Variants in NIPAL3 observed in about 807,000 individuals in gnomAD.
NIPAL3 encodes the protein NIPA like domain containing 3.
A neutral mutation model predicts 47.2 loss-of-function variants in NIPAL3; 41 were observed. That is an observed-to-expected ratio of 0.87 (90% CI 0.68 to 1.13). The LOEUF (loss-of-function observed/expected upper bound fraction) is 1.13, where lower values mean the gene tolerates loss of function less well. Ranked by LOEUF, NIPAL3 falls within the 50% of genes most tolerant of loss-of-function variation. The probability of loss-of-function intolerance (pLI) is 0.00; values close to 1 mark genes in which losing one functional copy is unlikely to be tolerated. For missense variants in NIPAL3, 449 were observed against 530.1 expected (o/e 0.85, Z 1.50); for synonymous variants, 194 against 209.6 (o/e 0.93, Z 0.64).
In NIPAL3 at chr1:24,440,253, TA is replaced by T; in HGVS notation, c.162+14del. 1 of 1,573,684 alleles carries T rather than the reference TA, an allele frequency of 6.4e-7. No homozygotes were observed. The highest frequency in any genetic ancestry group is 8.6e-7 in the Non-Finnish European group (1 of 1,160,774). Reference sequence around the variant, plus strand: ...ACTTAACCTCCAGGTAAGTTTCAGTTACCAGCACTGTCTGGGGACAGAGACA... The same window carrying T: ...ACTTAACCTCCAGGTAAGTTTCAGTTCCAGCACTGTCTGGGGACAGAGACA... On this transcript the variant is annotated intron_variant, in intron 3 of 11. Transcript: ENST00000374399.
At chr1:24,466,317 TAAATA>T (rs1646697851) in intron 11 of NIPAL3, 1 of 371,412 alleles carries the variant, frequency 2.7e-6, no homozygotes, top group Non-Finnish European at 4.9e-6. Flanking sequence ...TAAAAATAAA[TAAATA>T]AATAAAAGAA....
intron 8 of NIPAL3, among the ~76,000 whole-genome samples, chr1:24,456,523 G>A (rs1176619757): frequency 6.6e-6 from 1 of 152,116 alleles, no homozygotes; most frequent in Non-Finnish European, 1.5e-5. Flanking sequence ...GGCTGAGGTG[G>A]GTGGGTCACT....
chr1:24,454,674 T>C lies in NIPAL3; in HGVS notation c.637+1170T>C, dbSNP rs2281187. 0.24 allele frequency: 140,633 copies of C among 586,722 alleles called. 16,979 individuals are homozygous for C. The highest frequency in any genetic ancestry group is 0.33 in the African/African-American group (16,213 of 49,390). The allele number at this position is 586,722 out of a possible 1,614,324, so 36.3% of individuals were successfully genotyped here. ...CATCCTAATCTAATTTTAGAACATTTTGTCACCCCCAAAAGAAACCCTGTG... is the reference window on the plus strand; with the variant it reads ...CATCCTAATCTAATTTTAGAACATTCTGTCACCCCCAAAAGAAACCCTGTG... On this transcript the variant is annotated intron_variant, in intron 7 of 11. Coordinates refer to ENST00000374399, the MANE Select transcript of NIPAL3 (RefSeq NM_020448.5). This position sits in a 1 kb window ranked among gnomAD's most constrained non-coding sequence, Gnocchi z 4.1.
At chr1:24,428,869 C>T (rs1644752491) in intron 2 of NIPAL3, among the ~76,000 whole-genome samples, 1 of 152,144 alleles carries the variant, frequency 6.6e-6, no homozygotes, top group Non-Finnish European at 1.5e-5. Flanking sequence ...CCACCCTTCC[C>T]TGCCACACTC....
chr1:24,415,116 T>C (rs1300925084), upstream of NIPAL3: 3 of 152,252 alleles, frequency 2.0e-5, no homozygotes, highest in Non-Finnish European at 4.4e-5. Flanking sequence ...CAAATGCGTG[T>C]ATATGACAAC....
At chr1:24,460,776 A>C (rs1435344859) in intron 10 of NIPAL3, among the ~76,000 whole-genome samples, 1 of 152,208 alleles carries the variant, frequency 6.6e-6, no homozygotes, top group African/African-American at 2.4e-5. Flanking sequence ...ACATTTTGAC[A>C]CATGAAAAGT....
intron 10 of NIPAL3, among the ~76,000 whole-genome samples, chr1:24,462,059 C>G (rs1232745796): frequency 2.0e-5 from 3 of 152,134 alleles, no homozygotes; most frequent in Admixed American, 6.6e-5. Flanking sequence ...CCTCAGGAAA[C>G]TTACAGTCAT....
intron 11 of NIPAL3, among the ~76,000 whole-genome samples, chr1:24,468,242 G>A (rs373705029): frequency 1.3e-5 from 2 of 152,150 alleles, no homozygotes; most frequent in African/African-American, 4.8e-5. Context: ...TGGAGCCCCA[G>A]AGGTTGAGGC....
Position 24,416,110 on chromosome 1 carries a change from A to T in NIPAL3, c.-258+206A>T, listed in dbSNP as rs546532088. The T allele has an allele frequency of 1.0e-6, 1 of 985,306 alleles. No individual in the cohort carries two copies. Among genetic ancestry groups the T allele is most frequent in the Admixed American group, 6.2e-5 (1 of 16,254 alleles). The allele number at this position is 985,306 out of a possible 1,614,324, so 61.0% of individuals were successfully genotyped here. A position where few individuals can be genotyped will look rare whatever the true frequency, so the allele number is the denominator to read the frequency against. ...GAGGAGCGGGGGCATGGGCTACCTT[A>T]CTAAAGGTGATGCCAGGCTCTACCA... is the stretch of plus-strand genomic sequence containing the variant. On this transcript the variant is annotated intron_variant, in intron 1 of 11. Coordinates refer to ENST00000374399, the MANE Select transcript of NIPAL3 (RefSeq NM_020448.5). This position sits in a 1 kb window ranked among gnomAD's most constrained non-coding sequence, Gnocchi z 4.8.
In NIPAL3 at chr1:24,422,520, C is replaced by T. The variant is rs75016344; in HGVS notation, c.93+2880C>T. On this transcript the variant is annotated intron_variant, in intron 2 of 11. Coordinates refer to ENST00000374399, the MANE Select transcript of NIPAL3 (RefSeq NM_020448.5). Reference sequence around the variant, plus strand: ...TCAGACTCATCTCTCCCTGCCTTCACCCTTTTACCCCCTCGTCTCTACTCC... The same window carrying T: ...TCAGACTCATCTCTCCCTGCCTTCATCCTTTTACCCCCTCGTCTCTACTCC... 4.1e-3 allele frequency among the ~76,000 whole-genome samples: 623 copies of T among 152,312 alleles called. 4 individuals carry two copies. The highest frequency in any genetic ancestry group is 0.014 in the African/African-American group (588 of 41,546).
intron 2 of NIPAL3, chr1:24,421,821 G>A (rs1474096382): frequency 6.6e-6 from 1 of 152,184 alleles, no homozygotes; most frequent in African/African-American, 2.4e-5. Flanking sequence ...TAGAGACAAG[G>A]AGACTGAGAC....
At chr1:24,461,696 G>C (rs773957340) in intron 10 of NIPAL3, among the ~76,000 whole-genome samples, 2 of 151,072 alleles carry the variant, frequency 1.3e-5, no homozygotes, top group Admixed American at 1.3e-4. Flanking sequence ...CTGAAACCCC[G>C]TCTGTACTAA....
intron 10 of NIPAL3, among the ~76,000 whole-genome samples, chr1:24,462,852 C>T (rs1646533966): frequency 6.6e-6 from 1 of 152,186 alleles, no homozygotes; most frequent in South Asian, 2.1e-4. Context: ...AATCCCAGCA[C>T]TTTGGGAGGC....
At chr1:24,431,293 T>G (rs971168382) in intron 2 of NIPAL3, among the ~76,000 whole-genome samples, 6 of 152,184 alleles carry the variant, frequency 3.9e-5, no homozygotes, top group African/African-American at 1.4e-4. Flanking sequence ...CAGAGTAAGA[T>G]TCTAAGGTAA....
rs926039722 is a variant in NIPAL3, at chr1:24,449,473, C to T, written c.395-8C>T. The T allele has an allele frequency of 1.2e-5, 20 of 1,612,722 alleles. No individual in the cohort carries two copies. Among genetic ancestry groups the T allele is most frequent in the Non-Finnish European group, 1.7e-5 (20 of 1,179,952 alleles). Reference sequence around the variant, plus strand: ...CAATGAGTCCGTGACAGCCTCTCTTCCCCGCAGGGCGCTACGTCTTGTCCT... The same window carrying T: ...CAATGAGTCCGTGACAGCCTCTCTTTCCCGCAGGGCGCTACGTCTTGTCCT... On this transcript the variant is annotated splice_polypyrimidine_tract_variant and splice_region_variant and intron_variant, in intron 5 of 11. Transcript: ENST00000374399. This position sits in a 1 kb window ranked among gnomAD's most constrained non-coding sequence, Gnocchi z 4.5.
intron 11 of NIPAL3, chr1:24,464,967 A>T (rs1646635017): frequency 6.6e-6 from 1 of 152,160 alleles, no homozygotes. Flanking sequence ...CTCAGGGTTG[A>T]CTGGTGTGCC....
chr1:24,458,837 G>T, intron 8 of NIPAL3, 51 bp from the exon 9 acceptor site: 1 of 1,411,798 alleles, frequency 7.1e-7, no homozygotes, highest in Non-Finnish European at 1.0e-6. Flanking sequence ...TCAGCTCTTA[G>T]CCTTTCCAAC....
chr1:24,447,798 A>C (rs115580889), intron 5 of NIPAL3, among the ~76,000 whole-genome samples: 1,542 of 152,362 alleles, frequency 0.01, 34 homozygotes, highest in African/African-American at 0.036. Flanking sequence ...CCCTCTGGGC[A>C]TCTGTAGTTT....
chr1:24,436,223 C>T (rs1279628917), intron 2 of NIPAL3, among the ~76,000 whole-genome samples: 1 of 152,088 alleles, frequency 6.6e-6, no homozygotes, highest in African/African-American at 2.4e-5. Flanking sequence ...AGGTTATTGT[C>T]TAAAAGTGTT....
Sources: gnomAD v4.1 joint callset for allele counts (sites outside exome capture counted in the v4.1 genomes callset) on GRCh38, gnomAD v4.1.1 for gene constraint, Gnocchi (gnomAD v3.1) non-coding constraint, MANE v1.5 for transcripts, NCBI Gene and HGNC (gene_info 2026-07-23, HGNC 2026-07-21) for gene names.